Variants in RAP1A observed in about 807,000 individuals in gnomAD.
RAP1A encodes RAP1A, member of RAS oncogene family.
In RAP1A, 6 loss-of-function variants were observed where a neutral mutation model predicts 26.4. The observed-to-expected ratio is 0.23, with a 90% confidence interval of 0.12 to 0.45. The LOEUF (loss-of-function observed/expected upper bound fraction) is 0.45, where lower values mean the gene tolerates loss of function less well. RAP1A is among the 20% of genes least tolerant of loss of function. The probability of loss-of-function intolerance (pLI) is 0.99; values close to 1 mark genes in which losing one functional copy is unlikely to be tolerated. For missense variants in RAP1A, 121 were observed against 217.2 expected (o/e 0.56, Z 2.78); for synonymous variants, 73 against 79.4 (o/e 0.92, Z 0.43).
At chr1:111,668,658 C>G (rs1178893691) in intron 1 of RAP1A, among the ~76,000 whole-genome samples, 1 of 152,120 alleles carries the variant, frequency 6.6e-6, no homozygotes, top group Non-Finnish European at 1.5e-5. Flanking sequence ...TTTTACTATA[C>G]TGCTTATAAG....
intron 1 of RAP1A, among the ~76,000 whole-genome samples, chr1:111,577,140 C>T (rs915358685): frequency 6.6e-6 from 1 of 152,034 alleles, no homozygotes; most frequent in Admixed American, 6.6e-5. Flanking sequence ...CGGTGGCTCA[C>T]GCCTGTAATC....
chr1:111,632,921 CAAAAAAAAAAA>C (rs59053038), intron 1 of RAP1A, among the ~76,000 whole-genome samples: 2 of 68,780 alleles, frequency 2.9e-5, no homozygotes, highest in African/African-American at 5.9e-5. Flanking sequence ...AACTTGGTCT[CAAAAAAAAAAA>C]AAAAAAAAAA....
At chr1:111,678,447 T>A (rs535575057) in intron 1 of RAP1A, among the ~76,000 whole-genome samples, 6 of 152,194 alleles carry the variant, frequency 3.9e-5, no homozygotes, top group African/African-American at 9.7e-5. Flanking sequence ...TGCTTCATAA[T>A]GGGGAGAAAT....
upstream of RAP1A, among the ~76,000 whole-genome samples, chr1:111,617,474 C>T (rs928652776): frequency 2.5e-4 from 38 of 152,110 alleles, 1 homozygote; most frequent in African/African-American, 9.2e-4. Context: ...GCTCTGTTGC[C>T]CAGGCTGGAG....
Position 111,658,106 on chromosome 1 carries a change from G to A in RAP1A, c.-27-33228G>A, listed in dbSNP as rs114163628. Among the ~76,000 whole-genome samples the A allele has an allele frequency of 2.1e-3, 327 of 152,246 alleles. 1 individual carries two copies. Among genetic ancestry groups the A allele is most frequent in the Non-Finnish European group, 3.9e-3 (262 of 68,000 alleles). ...ATATATTCTTTCATTGTTGGATAAA[G>A]TACAGTCATACATCACTTAACAGGG... is the stretch of plus-strand genomic sequence containing the variant. On this transcript the variant is annotated intron_variant, in intron 1 of 7. Coordinates refer to ENST00000369709, the MANE Select transcript of RAP1A (RefSeq NM_002884.4).
At chr1:111,560,036 A>C (rs1657666022) in intron 1 of RAP1A, among the ~76,000 whole-genome samples, 1 of 152,168 alleles carries the variant, frequency 6.6e-6, no homozygotes, top group South Asian at 2.1e-4. Context: ...CAGAGTAGGC[A>C]ATTTTTTTCA....
chr1:111,707,685 G>A (rs996217046), intron 6 of RAP1A, among the ~76,000 whole-genome samples: 13 of 152,052 alleles, frequency 8.5e-5, no homozygotes, highest in African/African-American at 3.1e-4. Flanking sequence ...TATCAATAAG[G>A]GACTTCTGTG....
At position 111,707,180 on chromosome 1, in the gene RAP1A, A is replaced by T. The variant is rs1240129489; in HGVS notation, c.469-1969A>T. Among the ~76,000 whole-genome samples, 3 of 152,332 alleles carry T rather than the reference A, an allele frequency of 2.0e-5. No homozygotes were observed. In the East Asian group the frequency reaches 5.8e-4, roughly 29 times the overall value. ...GGAAGAATGGAGCAGAAAGAAAAGA[A>T]TTTAAATGAGTCACTTTTGTAGCTT... On this transcript the variant is annotated intron_variant, in intron 6 of 7. Transcript: ENST00000369709.
intron 1 of RAP1A, among the ~76,000 whole-genome samples, chr1:111,613,674 A>G (rs1042194850): frequency 3.9e-5 from 6 of 152,196 alleles, no homozygotes; most frequent in African/African-American, 1.4e-4. Flanking sequence ...CAACACCTGG[A>G]CTGGTCCATG....
intron 1 of RAP1A, among the ~76,000 whole-genome samples, chr1:111,625,793 T>C (rs918168387): frequency 1.3e-5 from 2 of 152,190 alleles, no homozygotes; most frequent in Admixed American, 1.3e-4. Context: ...TTTTTTCTTT[T>C]TCTTTTTCTA....
intron 1 of RAP1A, among the ~76,000 whole-genome samples, chr1:111,564,512 CTTTTT>C (rs577908974): frequency 2.5e-5 from 3 of 119,958 alleles, no homozygotes; most frequent in Non-Finnish European, 3.5e-5. Context: ...GACCCCAACT[CTTTTT>C]TTTTTTTTTT....
chr1:111,666,626 A>G (rs1028213766), intron 1 of RAP1A, among the ~76,000 whole-genome samples: 2 of 148,336 alleles, frequency 1.3e-5, no homozygotes, highest in African/African-American at 4.9e-5. Context: ...AATTTAGGTA[A>G]TCAAATCACA....
chr1:111,595,578 A>G (rs1658551028), intron 1 of RAP1A, among the ~76,000 whole-genome samples: 5 of 152,126 alleles, frequency 3.3e-5, no homozygotes, highest in Admixed American at 2.6e-4. Context: ...AAAGGGTCAT[A>G]TTGTCTCTTA....
chr1:111,629,181 A>G (rs1659491437), intron 1 of RAP1A, among the ~76,000 whole-genome samples: 1 of 152,150 alleles, frequency 6.6e-6, no homozygotes, highest in African/African-American at 2.4e-5. Flanking sequence ...AGCAGCTTCT[A>G]AGTAAAATAT....
intron 1 of RAP1A, among the ~76,000 whole-genome samples, chr1:111,576,037 T>C (rs1256206558): frequency 6.6e-6 from 1 of 152,244 alleles, no homozygotes; most frequent in Non-Finnish European, 1.5e-5. Flanking sequence ...GAACCTGCCC[T>C]GCATACTATT....
At chr1:111,564,763 C>T (rs572147290) in intron 1 of RAP1A, among the ~76,000 whole-genome samples, 80 of 151,654 alleles carry the variant, frequency 5.3e-4, no homozygotes, top group African/African-American at 1.7e-3. Flanking sequence ...CCATCCGCCT[C>T]GGCCTCCCAA....
At chr1:111,572,023 TC>T (rs11304877) in intron 1 of RAP1A, among the ~76,000 whole-genome samples, 139,649 of 152,302 alleles carry the variant, frequency 0.92, 64,074 homozygotes, top group Admixed American at 0.95. Context: ...CCTTGGCACC[TC>T]CTGCAGCTGA....
At chr1:111,636,664 G>A (rs1659738114) in intron 1 of RAP1A, among the ~76,000 whole-genome samples, 1 of 151,780 alleles carries the variant, frequency 6.6e-6, no homozygotes, top group African/African-American at 2.4e-5. Context: ...TGTATTTTTA[G>A]TAGAGACAGG....
At chr1:111,644,172 C>T (rs534424209) in intron 1 of RAP1A, among the ~76,000 whole-genome samples, 3 of 151,804 alleles carry the variant, frequency 2.0e-5, no homozygotes, top group East Asian at 3.8e-4. Context: ...TCCAACTAAC[C>T]GTTACATGGT....
Sources: allele counts gnomAD v4.1 joint callset (sites outside exome capture counted in the v4.1 genomes callset), GRCh38; gene constraint gnomAD v4.1.1; transcripts MANE v1.5; gene names NCBI Gene and HGNC (gene_info 2026-07-23, HGNC 2026-07-21).